Variants in SMC5 observed in about 807,000 individuals in gnomAD.
SMC5 encodes the protein structural maintenance of chromosomes protein 5.
SMC5 carries 88 observed loss-of-function variants against 148.3 expected under a neutral mutation model. That is an observed-to-expected ratio of 0.59 (90% CI 0.50 to 0.71). The LOEUF is 0.71. Ranked by LOEUF, SMC5 falls within the 30% of genes least tolerant of loss-of-function variation. The pLI is 0.00. For missense variants in SMC5, 1,142 were observed against 1,298.9 expected (o/e 0.88, Z 1.86); for synonymous variants, 421 against 432.8 (o/e 0.97, Z 0.34).
chr9:70,324,157 C>G lies in SMC5; in HGVS notation c.2397+14C>G, dbSNP rs186651790. ...CGTCTTACAGAGGTAAAATTTTTGCCTTTACTTTTTATTTTGAGGTTCTAA... is the reference window on the plus strand; with the variant it reads ...CGTCTTACAGAGGTAAAATTTTTGCGTTTACTTTTTATTTTGAGGTTCTAA... On this transcript the variant is annotated intron_variant, in intron 17 of 24. Coordinates refer to ENST00000361138, the MANE Select transcript of SMC5 (RefSeq NM_015110.4). The G allele has an allele frequency of 0.014, 22,422 of 1,577,060 alleles. 172 individuals are homozygous for G. The highest frequency in any genetic ancestry group is 0.016 in the Non-Finnish European group (18,816 of 1,171,232).
chr9:70,346,394 G>C, intron 18 of SMC5: 1 of 594,378 alleles, frequency 1.7e-6, no homozygotes, highest in Middle Eastern at 3.7e-4. Context: ...GCCAAACAAT[G>C]TACTGATTGC....
intron 17 of SMC5, among the ~76,000 whole-genome samples, chr9:70,333,855 A>T (rs1351268826): frequency 6.6e-6 from 1 of 151,252 alleles, no homozygotes; most frequent in Non-Finnish European, 1.5e-5. Context: ...TGGATCAAAA[A>T]TTCAGGATTT....
intron 8 of SMC5, among the ~76,000 whole-genome samples, chr9:70,296,964 A>G (rs2035218450): frequency 6.6e-6 from 1 of 152,214 alleles, no homozygotes; most frequent in Non-Finnish European, 1.5e-5. Flanking sequence ...AAATCTCACA[A>G]TATTAGTCTG....
chr9:70,343,054 A>G (rs1006980055), intron 17 of SMC5, among the ~76,000 whole-genome samples: 3 of 152,056 alleles, frequency 2.0e-5, no homozygotes, highest in African/African-American at 7.2e-5. Flanking sequence ...TAATGAAAAG[A>G]GCATGTGTCC....
At chr9:70,310,673 C>T (rs1019463001) in intron 11 of SMC5, among the ~76,000 whole-genome samples, 2 of 152,198 alleles carry the variant, frequency 1.3e-5, no homozygotes, top group African/African-American at 4.8e-5. Context: ...GATTTCTTTT[C>T]TCTAGTTATG....
chr9:70,309,318 C>CTTTTTTTTTTTTTTTTTTTTT (rs59694037), intron 11 of SMC5, among the ~76,000 whole-genome samples: 1 of 79,178 alleles, frequency 1.3e-5, no homozygotes, highest in Non-Finnish European at 2.3e-5. Flanking sequence ...TTTCCTTTTC[C>CTTTTTTTTTTTTTTTTTTTTT]TTTTTTTTTT....
chr9:70,280,709 T>A (rs2034725846), intron 5 of SMC5, 50 bp from the exon 6 acceptor site: 1 of 1,534,300 alleles, frequency 6.5e-7, no homozygotes, highest in Admixed American at 2.0e-5. Context: ...AGATGTGACC[T>A]GTTGTCATTT....
intron 19 of SMC5, 70 bp downstream of exon 19, chr9:70,346,719 C>G: frequency 2.0e-6 from 3 of 1,506,900 alleles, no homozygotes; most frequent in Non-Finnish European, 2.8e-6. Flanking sequence ...TAGCCATTTG[C>G]TTTAAGGCCC....
intron 17 of SMC5, among the ~76,000 whole-genome samples, chr9:70,330,819 A>G (rs1347627289): frequency 1.3e-5 from 2 of 152,104 alleles, no homozygotes; most frequent in East Asian, 1.9e-4. Flanking sequence ...CTAGGTTTAT[A>G]GGTGTGAGCC....
intron 18 of SMC5, among the ~76,000 whole-genome samples, chr9:70,346,070 G>A (rs993660503): frequency 9.2e-5 from 14 of 152,280 alleles, no homozygotes; most frequent in African/African-American, 3.4e-4. Flanking sequence ...GGAGAAGATT[G>A]AAGGAGAAAC....
At chr9:70,306,916 C>T (rs996650748) in intron 11 of SMC5, among the ~76,000 whole-genome samples, 14 of 152,158 alleles carry the variant, frequency 9.2e-5, no homozygotes, top group Non-Finnish European at 1.5e-4. Context: ...CATTTCTCAT[C>T]CTTCAGTAAA....
chr9:70,280,988 T>G, intron 6 of SMC5, 89 bp downstream of exon 6: 1 of 1,429,072 alleles, frequency 7.0e-7, no homozygotes, highest in Non-Finnish European at 9.6e-7. Flanking sequence ...GTATTCAAGT[T>G]AGGTGCTTCT....
intron 15 of SMC5, among the ~76,000 whole-genome samples, chr9:70,319,463 G>A (rs964395366): frequency 6.6e-6 from 1 of 152,064 alleles, no homozygotes; most frequent in African/African-American, 2.4e-5. Context: ...AAGTCAGTAG[G>A]TTTTTCCCTA....
intron 11 of SMC5, among the ~76,000 whole-genome samples, chr9:70,308,013 C>T (rs575329410): frequency 6.6e-6 from 1 of 152,246 alleles, no homozygotes; most frequent in East Asian, 1.9e-4. Context: ...TTCTTTTAGA[C>T]ACCGAGCTCT....
intron 8 of SMC5, among the ~76,000 whole-genome samples, chr9:70,294,586 A>G (rs1220351508): frequency 5.3e-5 from 8 of 152,200 alleles, no homozygotes; most frequent in Admixed American, 5.2e-4. Flanking sequence ...GGGTCAAAAG[A>G]TAGAGTAGGA....
chr9:70,336,140 C>G (rs2036350607), intron 17 of SMC5, among the ~76,000 whole-genome samples: 1 of 152,096 alleles, frequency 6.6e-6, no homozygotes, highest in Non-Finnish European at 1.5e-5. Flanking sequence ...GTATTTGTTA[C>G]ATAAATGTGA....
intron 17 of SMC5, among the ~76,000 whole-genome samples, chr9:70,327,502 A>T (rs967234629): frequency 1.3e-5 from 2 of 152,236 alleles, no homozygotes; most frequent in African/African-American, 4.8e-5. Context: ...GTCTAAATGC[A>T]CAAGTTTATA....
At chr9:70,315,690 T>G (rs369489930) in intron 13 of SMC5, 112 bp downstream of exon 13, 1 of 806,508 alleles carries the variant, frequency 1.2e-6, no homozygotes, top group Non-Finnish European at 1.8e-6. Flanking sequence ...GTCTGTTGTT[T>G]TTAACCATGC....
rs1482410664 is a variant in SMC5 at position 70,353,747 on chromosome 9, A to C, written c.*1416A>C. On this transcript the variant is annotated 3_prime_UTR_variant, in exon 25 of 25. Coordinates refer to ENST00000361138, the MANE Select transcript of SMC5 (RefSeq NM_015110.4). Reference sequence around the variant, plus strand: ...AGCCTTCCCTTCTTAAACTAACTCCAGTGCATGAAGTGTGAAAATATTTTA... The same window carrying C: ...AGCCTTCCCTTCTTAAACTAACTCCCGTGCATGAAGTGTGAAAATATTTTA... The C allele has an allele frequency of 1.3e-5, 2 of 152,216 alleles. No homozygotes were observed. The highest frequency in any genetic ancestry group is 4.8e-5 in the African/African-American group (2 of 41,464). The allele number at this position is 152,216 out of a possible 1,614,324, so 9.4% of individuals were successfully genotyped here. A position where few individuals can be genotyped will look rare whatever the true frequency, so the allele number is the denominator to read the frequency against.
Sources: gnomAD v4.1 joint callset for allele counts (sites outside exome capture counted in the v4.1 genomes callset) on GRCh38, gnomAD v4.1.1 for gene constraint, MANE v1.5 for transcripts, NCBI Gene and HGNC (gene_info 2026-07-23, HGNC 2026-07-21) for gene names.